Variants in TNFRSF13C observed in about 807,000 individuals in gnomAD.
TNFRSF13C encodes the protein TNF receptor superfamily member 13C.
In TNFRSF13C, 7 loss-of-function variants were observed where a neutral mutation model predicts 12.1. The ratio of observed to expected loss-of-function variants is 0.58; its 90% CI spans 0.33 to 1.08. The LOEUF is 1.08. Ranked by LOEUF, TNFRSF13C falls within the 50% of genes least tolerant of loss-of-function variation. The pLI, the probability that TNFRSF13C is intolerant of heterozygous loss-of-function variation, is 0.04. For synonymous variants in TNFRSF13C, 157 were observed against 130.8 expected (o/e 1.20, Z -1.37); for missense variants, 260 against 265.9 (o/e 0.98, Z 0.15).
At position 41,925,083 on chromosome 22, in the gene TNFRSF13C, C is replaced by T. The variant is rs998464123; in HGVS notation, c.*284G>A. On this transcript the variant is annotated 3_prime_UTR_variant, in exon 3 of 3. Coordinates refer to ENST00000291232, the MANE Select transcript of TNFRSF13C (RefSeq NM_052945.4). ...AATGGTGCCTTCCCCATTTTAAAAG[C>T]GGTCTTTTACTCATAGTGCCCCAGC... The T allele has an allele frequency of 2.3e-5, 7 of 306,650 alleles. No homozygotes were observed. The highest frequency in any genetic ancestry group is 9.0e-4 in the Middle Eastern group (1 of 1,112). The allele number at this position is 306,650 out of a possible 1,614,324, so 19.0% of individuals were successfully genotyped here.
rs1436063466 is a variant in TNFRSF13C, at chr22:41,922,371, TC to T, written c.*2995del. ...GATGTGACGGCTCTGGGTCTCAGTT[TC>T]CTCGTCTGTTAAATGCATATGAGAA... On this transcript the variant is annotated 3_prime_UTR_variant, in exon 3 of 3. Coordinates refer to ENST00000291232, the MANE Select transcript of TNFRSF13C (RefSeq NM_052945.4). 6.6e-6 allele frequency: 1 copy of T among 152,246 alleles called. No homozygotes were observed. The highest frequency in any genetic ancestry group is 1.9e-4 in the East Asian group (1 of 5,200). The allele number at this position is 152,246 out of a possible 1,614,324, so 9.4% of individuals were successfully genotyped here. A position where few individuals can be genotyped will look rare whatever the true frequency, so the allele number is the denominator to read the frequency against.
At position 41,922,650 on chromosome 22, in the gene TNFRSF13C, G is replaced by T. The variant is rs2077611287; in HGVS notation, c.*2717C>A. On this transcript the variant is annotated 3_prime_UTR_variant, in exon 3 of 3. Transcript: ENST00000291232. ...GCAAAAGATGGGGTGGGAGATGGGG[G>T]TGTCCAGGAGAAGATGGGGTGGGGG... is the stretch of plus-strand genomic sequence containing the variant. 6.7e-6 allele frequency: 1 copy of T among 149,880 alleles called. No homozygotes were observed. Among genetic ancestry groups the T allele is most frequent in the Admixed American group, 6.7e-5 (1 of 14,978 alleles). 9.3% of individuals were successfully genotyped at this position (149,880 alleles called of 1,614,324 possible). A position where few individuals can be genotyped will look rare whatever the true frequency, so the allele number is the denominator to read the frequency against.
In TNFRSF13C at chr22:41,923,459, G is replaced by A. The variant is rs2077614790; in HGVS notation, c.*1908C>T. The A allele has an allele frequency of 6.5e-6, 1 of 154,348 alleles. No homozygotes were observed. Among genetic ancestry groups the A allele is most frequent in the East Asian group, 1.9e-4 (1 of 5,214 alleles). The allele number at this position is 154,348 out of a possible 1,614,324, so 9.6% of individuals were successfully genotyped here. A position where few individuals can be genotyped will look rare whatever the true frequency, so the allele number is the denominator to read the frequency against. ...GAGATGGTCTTGTCCCCAGACCCCA[G>A]AGCAAGGAACACCATTGTAAGAGGA... is the stretch of plus-strand genomic sequence containing the variant. On this transcript the variant is annotated 3_prime_UTR_variant, in exon 3 of 3. Coordinates refer to ENST00000291232, the MANE Select transcript of TNFRSF13C (RefSeq NM_052945.4).
rs2146586530 is a variant in TNFRSF13C, at chr22:41,923,323, G to A, written c.*2044C>T. ...TTCCAAAGATGCTAAGCTGCAACAA[G>A]TTCCAAGGAAGCTGCCCAGGGCGAA... On this transcript the variant is annotated 3_prime_UTR_variant, in exon 3 of 3. Transcript: ENST00000291232. 1 of 154,732 alleles carries A rather than the reference G, an allele frequency of 6.5e-6. No homozygotes were observed. Among genetic ancestry groups the A allele is most frequent in the South Asian group, 2.0e-4 (1 of 4,926 alleles). The allele number at this position is 154,732 out of a possible 1,614,324, so 9.6% of individuals were successfully genotyped here.
Position 41,923,905 on chromosome 22 carries a change from C to T in TNFRSF13C, c.*1462G>A, listed in dbSNP as rs1411671160. 1 of 152,164 alleles carries T rather than the reference C, an allele frequency of 6.6e-6. No homozygotes were observed. The highest frequency in any genetic ancestry group is 1.5e-5 in the Non-Finnish European group (1 of 68,034). The allele number at this position is 152,164 out of a possible 1,614,324, so 9.4% of individuals were successfully genotyped here. ...AGATTGGGCCAATCTCAGGGTTGAC[C>T]CTGGGGTACAGATACCTGAGAATCA... On this transcript the variant is annotated 3_prime_UTR_variant, in exon 3 of 3. Transcript: ENST00000291232.
At position 41,925,624 on chromosome 22, in the gene TNFRSF13C, T is replaced by C. The variant is rs1031120018; in HGVS notation, c.368-70A>G. 2.5e-6 allele frequency: 4 copies of C among 1,576,398 alleles called. No homozygotes were observed. The African/African-American group carries it at 5.4e-5, about 21-fold the overall frequency. On this transcript the variant is annotated intron_variant, in intron 2 of 2. Transcript: ENST00000291232. ...CCCTCCCTCCCCTAGAAGACTCCTC[T>C]GGAGGGGCAGTCCTCCGTCAAATGA...
Position 41,925,280 on chromosome 22 carries a change from T to A in TNFRSF13C, c.*87A>T. On this transcript the variant is annotated 3_prime_UTR_variant, in exon 3 of 3. Coordinates refer to ENST00000291232, the MANE Select transcript of TNFRSF13C (RefSeq NM_052945.4). Reference sequence around the variant, plus strand: ...TGGTCCCAGAAAGAGGGCATGTGCATGCTGGAGTGAAGAGCTGAATTTGAT... The same window carrying A: ...TGGTCCCAGAAAGAGGGCATGTGCAAGCTGGAGTGAAGAGCTGAATTTGAT... 7.3e-7 allele frequency: 1 copy of A among 1,376,896 alleles called. No individual in the cohort carries two copies. Among genetic ancestry groups the A allele is most frequent in the South Asian group, 1.4e-5 (1 of 73,586 alleles). 85.3% of individuals were successfully genotyped at this position (1,376,896 alleles called of 1,614,324 possible). A position where few individuals can be genotyped will look rare whatever the true frequency, so the allele number is the denominator to read the frequency against.
rs908263500 is a variant in TNFRSF13C, at chr22:41,926,009, C to T, written c.367+92G>A. ...CGTTTCCCCTTAAAGCCCTTCTCTC[C>T]CCCTCAGGGGCCATGCATCTCCCCC... On this transcript the variant is annotated intron_variant, in intron 2 of 2. Coordinates refer to ENST00000291232, the MANE Select transcript of TNFRSF13C (RefSeq NM_052945.4). This position sits in a 1 kb window ranked among gnomAD's most constrained non-coding sequence, Gnocchi z 4.9. The T allele has an allele frequency of 2.1e-5, 32 of 1,525,076 alleles. No homozygotes were observed. The highest frequency in any genetic ancestry group is 2.6e-5 in the Non-Finnish European group (29 of 1,112,778). 94.5% of individuals were successfully genotyped at this position (1,525,076 alleles called of 1,614,324 possible).
Position 41,925,206 on chromosome 22 carries a change from G to C in TNFRSF13C, c.*161C>G. 1.3e-6 allele frequency: 1 copy of C among 793,182 alleles called. No individual in the cohort carries two copies. 49.1% of individuals were successfully genotyped at this position (793,182 alleles called of 1,614,324 possible). A position where few individuals can be genotyped will look rare whatever the true frequency, so the allele number is the denominator to read the frequency against. On this transcript the variant is annotated 3_prime_UTR_variant, in exon 3 of 3. Coordinates refer to ENST00000291232, the MANE Select transcript of TNFRSF13C (RefSeq NM_052945.4). ...AAAGGCAAGCACACCAAACTCCATG[G>C]GGGCTGAATGCTGTGGTCTGTAGTG... is the stretch of plus-strand genomic sequence containing the variant.
At position 41,923,807 on chromosome 22, in the gene TNFRSF13C, C is replaced by T. The variant is rs993014087; in HGVS notation, c.*1560G>A. ...TTGGAGTCCAGCCCTGGAGGCTGCG[C>T]ACCTCCTCCCAAATGCAGGCTTGTG... On this transcript the variant is annotated 3_prime_UTR_variant, in exon 3 of 3. Transcript: ENST00000291232. The T allele has an allele frequency of 6.6e-6, 1 of 152,198 alleles. No individual in the cohort carries two copies. The highest frequency in any genetic ancestry group is 2.4e-5 in the African/African-American group (1 of 41,432). 9.4% of individuals were successfully genotyped at this position (152,198 alleles called of 1,614,324 possible). A position where few individuals can be genotyped will look rare whatever the true frequency, so the allele number is the denominator to read the frequency against.
rs1475816216 is a variant in TNFRSF13C at position 41,922,152 on chromosome 22, C to T, written c.*3215G>A. On this transcript the variant is annotated 3_prime_UTR_variant, in exon 3 of 3. Coordinates refer to ENST00000291232, the MANE Select transcript of TNFRSF13C (RefSeq NM_052945.4). ...ATGATTACAATTATGTAGAAAAATA[C>T]ACCACACACTCGAGGCCTGGGGTTA... The T allele has an allele frequency of 6.6e-6, 1 of 152,214 alleles. No individual in the cohort carries two copies. The highest frequency in any genetic ancestry group is 1.5e-5 in the Non-Finnish European group (1 of 68,046). 9.4% of individuals were successfully genotyped at this position (152,214 alleles called of 1,614,324 possible).
rs1423767553 is a variant in TNFRSF13C, at chr22:41,922,958, T to G, written c.*2409A>C. On this transcript the variant is annotated 3_prime_UTR_variant, in exon 3 of 3. Transcript: ENST00000291232. ...CCCACCAAACCTCTCCCACACCTAC[T>G]GCTTGTCACTTGACCTCACCCTGTC... is the stretch of plus-strand genomic sequence containing the variant. 6.6e-6 allele frequency: 1 copy of G among 152,438 alleles called. No individual in the cohort carries two copies. The highest frequency in any genetic ancestry group is 1.5e-5 in the Non-Finnish European group (1 of 68,208). The allele number at this position is 152,438 out of a possible 1,614,324, so 9.4% of individuals were successfully genotyped here. A position where few individuals can be genotyped will look rare whatever the true frequency, so the allele number is the denominator to read the frequency against.
chr22:41,926,722 GCGTGGGGGCTGGCGCGTCCCTGC>G lies in TNFRSF13C; in HGVS notation c.29_51del (p.Gly10AlafsTer122). The G allele has an allele frequency of 6.9e-7, 1 of 1,439,138 alleles. No individual in the cohort carries two copies. The highest frequency in any genetic ancestry group is 2.6e-5 in the Admixed American group (1 of 37,916). The allele number at this position is 1,439,138 out of a possible 1,614,324, so 89.1% of individuals were successfully genotyped here. On this transcript the variant is annotated frameshift_variant, in exon 1 of 3. Transcript: ENST00000291232. LOFTEE classifies it high-confidence loss of function. This position sits in a 1 kb window ranked among gnomAD's most constrained non-coding sequence, Gnocchi z 4.9. Reference sequence around the variant, plus strand: ...TCGAAGCACTCGGCCGGGACGCAGGGCGTGGGGGCTGGCGCGTCCCTGCCCCGCAGGCTCCGGGGCCCTCGCCT... The same window carrying G: ...TCGAAGCACTCGGCCGGGACGCAGGGCCCGCAGGCTCCGGGGCCCTCGCCT...
Position 41,926,235 on chromosome 22 carries a change from A to G in TNFRSF13C, c.233T>C (p.Leu78Pro), listed in dbSNP as rs772735924. The G allele has an allele frequency of 6.4e-7, 1 of 1,574,070 alleles. No individual in the cohort carries two copies. Among genetic ancestry groups the G allele is most frequent in the African/African-American group, 1.3e-5 (1 of 74,252 alleles). ...GEAALPLPGL[L>P]FGAPALLGLA... ...GCCCAGCAGCGCGGGGGCGCCAAAGAGCAGCCCGGGCAGGGGCAGCGCCGC... is the reference window on the plus strand; with the variant it reads ...GCCCAGCAGCGCGGGGGCGCCAAAGGGCAGCCCGGGCAGGGGCAGCGCCGC... The change falls in exon 2 of 3, where the codon CTC becomes CCC. Residue 78 changes from leucine (L) to proline (P), a missense_variant. Transcript: ENST00000291232. The surrounding 1 kb of genome is among the most constrained non-coding windows in gnomAD (Gnocchi z 4.9).
chr22:41,926,017 G>A lies in TNFRSF13C; in HGVS notation c.367+84C>T, dbSNP rs2077627370. On this transcript the variant is annotated intron_variant, in intron 2 of 2. Transcript: ENST00000291232. The surrounding 1 kb of genome is among the most constrained non-coding windows in gnomAD (Gnocchi z 4.9). ...CTTAAAGCCCTTCTCTCCCCCTCAG[G>A]GGCCATGCATCTCCCCCTAGACCGT... 6.4e-7 allele frequency: 1 copy of A among 1,555,328 alleles called. No individual in the cohort carries two copies. The highest frequency in any genetic ancestry group is 1.1e-5 in the South Asian group (1 of 88,232).
In TNFRSF13C at chr22:41,926,234, G is replaced by C. The variant is rs769243308; in HGVS notation, c.234C>G (p.Leu78=). The part of the protein sequence containing the change: ...GEAALPLPGL[L]FGAPALLGLA... Reference sequence around the variant, plus strand: ...GGCCCAGCAGCGCGGGGGCGCCAAAGAGCAGCCCGGGCAGGGGCAGCGCCG... The same window carrying C: ...GGCCCAGCAGCGCGGGGGCGCCAAACAGCAGCCCGGGCAGGGGCAGCGCCG... The change falls in exon 2 of 3, where the codon CTC becomes CTG. Residue 78 remains leucine, a synonymous_variant. Transcript: ENST00000291232. This position sits in a 1 kb window ranked among gnomAD's most constrained non-coding sequence, Gnocchi z 4.9. The C allele has an allele frequency of 6.4e-7, 1 of 1,574,242 alleles. No homozygotes were observed.
chr22:41,924,479 CTCTG>C lies in TNFRSF13C; in HGVS notation c.*884_*887del. On this transcript the variant is annotated 3_prime_UTR_variant, in exon 3 of 3. Transcript: ENST00000291232. ...CTCCAGCCTAGGCGACAGAGCGAGA[CTCTG>C]TCTCAAAAAAAAAAAAAAAAAAAAA... 8.0e-6 allele frequency: 1 copy of C among 125,552 alleles called. No homozygotes were observed. Among genetic ancestry groups the C allele is most frequent in the Admixed American group, 8.3e-5 (1 of 11,998 alleles). The allele number at this position is 125,552 out of a possible 1,614,324, so 7.8% of individuals were successfully genotyped here. A position where few individuals can be genotyped will look rare whatever the true frequency, so the allele number is the denominator to read the frequency against.
In TNFRSF13C at chr22:41,926,146, G is replaced by A; in HGVS notation, c.322C>T (p.Leu108Phe). Residue 108 changes from leucine to phenylalanine, a missense_variant, in exon 2 of 3, where the codon CTT becomes TTT. Coordinates refer to ENST00000291232, the MANE Select transcript of TNFRSF13C (RefSeq NM_052945.4). This position sits in a 1 kb window ranked among gnomAD's most constrained non-coding sequence, Gnocchi z 4.9. ...GCCTCTGCGGAGGACGCGCCGCGAA[G>A]CCGCCGCTGTCGCCGCCTCCAGCTC... Reference protein sequence around the residue: ...LVSWRRRQRRLRGASSAEAPD... With the variant: ...LVSWRRRQRRFRGASSAEAPD... 6.2e-7 allele frequency: 1 copy of A among 1,611,376 alleles called. No homozygotes were observed. The highest frequency in any genetic ancestry group is 1.1e-5 in the South Asian group (1 of 91,058).
chr22:41,923,863 G>C lies in TNFRSF13C; in HGVS notation c.*1504C>G, dbSNP rs544703386. 1 of 152,306 alleles carries C rather than the reference G, an allele frequency of 6.6e-6. No homozygotes were observed. Among genetic ancestry groups the C allele is most frequent in the South Asian group, 2.1e-4 (1 of 4,822 alleles). The allele number at this position is 152,306 out of a possible 1,614,324, so 9.4% of individuals were successfully genotyped here. On this transcript the variant is annotated 3_prime_UTR_variant, in exon 3 of 3. Coordinates refer to ENST00000291232, the MANE Select transcript of TNFRSF13C (RefSeq NM_052945.4). ...GGAAGCTGCCACTGGGGTCAAAATGGCATCTTAGGTTCTGGCAGATTGGGC... is the reference window on the plus strand; with the variant it reads ...GGAAGCTGCCACTGGGGTCAAAATGCCATCTTAGGTTCTGGCAGATTGGGC...
Sources: gnomAD v4.1 joint callset for allele counts on GRCh38, gnomAD v4.1.1 for gene constraint, Gnocchi (gnomAD v3.1) non-coding constraint, MANE v1.5 for transcripts, NCBI Gene and HGNC (gene_info 2026-07-23, HGNC 2026-07-21) for gene names.